Variants in CTDSPL observed in about 807,000 individuals in gnomAD.
CTDSPL encodes the protein CTD small phosphatase-like protein.
CTDSPL carries 8 observed loss-of-function variants against 30.5 expected under a neutral mutation model. The ratio of observed to expected loss-of-function variants is 0.26; its 90% confidence interval spans 0.15 to 0.47. The LOEUF is 0.47. Ranked by LOEUF, CTDSPL falls within the 20% of genes least tolerant of loss-of-function variation. CTDSPL has a pLI of 0.99. For missense variants in CTDSPL, 248 were observed against 366.1 expected, an observed-to-expected ratio of 0.68 and a Z score of 2.63; for synonymous variants, 110 against 137.9, an observed-to-expected ratio of 0.80 and a Z score of 1.42.
At chr3:37,927,638 G>GTA (rs1270338154) in intron 1 of CTDSPL, among the ~76,000 whole-genome samples, 2 of 59,482 alleles carry the variant, frequency 3.4e-5, no homozygotes, top group Non-Finnish European at 6.7e-5. Flanking sequence ...AAAAATATAT[G>GTA]TGTGTGTGTG....
rs558895920 is a variant in CTDSPL at position 37,976,260 on chromosome 3, C to A, written c.705+366C>A. Reference sequence around the variant, plus strand: ...TGACAAGGGTTCTGCTGGCAGTAACCTCCTGGAGCCAGCTACTGCGTAGGA... The same window carrying A: ...TGACAAGGGTTCTGCTGGCAGTAACATCCTGGAGCCAGCTACTGCGTAGGA... On this transcript the variant is annotated intron_variant, in intron 7 of 7. Transcript: ENST00000273179. Among the ~76,000 whole-genome samples the A allele has an allele frequency of 2.0e-5, 3 of 152,272 alleles. No individual in the cohort carries two copies. In the South Asian group the frequency reaches 6.2e-4, roughly 32 times the overall value.
chr3:37,926,580 C>T (rs1015987080), intron 1 of CTDSPL, among the ~76,000 whole-genome samples: 1 of 152,160 alleles, frequency 6.6e-6, no homozygotes, highest in Non-Finnish European at 1.5e-5. Flanking sequence ...GATATGGTTA[C>T]ATTTTCATTG....
In CTDSPL at chr3:37,984,415, A is replaced by G. The variant is rs1699531297; in HGVS notation, c.*3548A>G. Reference sequence around the variant, plus strand: ...ACGTTTCCAGGGGCGAGTATTGTCAATCAAAAGGTTTGCAATGATTTCCTT... The same window carrying G: ...ACGTTTCCAGGGGCGAGTATTGTCAGTCAAAAGGTTTGCAATGATTTCCTT... On this transcript the variant is annotated 3_prime_UTR_variant, in exon 8 of 8. Coordinates refer to ENST00000273179, the MANE Select transcript of CTDSPL (RefSeq NM_001008392.2). The G allele has an allele frequency of 2.4e-6, 1 of 419,796 alleles. No homozygotes were observed. The highest frequency in any genetic ancestry group is 4.9e-6 in the Non-Finnish European group (1 of 202,946). The allele number at this position is 419,796 out of a possible 1,614,324, so 26.0% of individuals were successfully genotyped here.
chr3:37,951,840 G>C (rs1217724349), intron 2 of CTDSPL, among the ~76,000 whole-genome samples: 1 of 152,104 alleles, frequency 6.6e-6, no homozygotes, highest in African/African-American at 2.4e-5. Context: ...AAGGGAAAAA[G>C]AACAAATAAC....
chr3:37,903,994 C>A (rs2125602544), intron 1 of CTDSPL, among the ~76,000 whole-genome samples: 1 of 152,342 alleles, frequency 6.6e-6, no homozygotes, highest in African/African-American at 2.4e-5. Flanking sequence ...ACCAAGATGG[C>A]ACTCCCCTCC....
intron 1 of CTDSPL, among the ~76,000 whole-genome samples, chr3:37,910,028 G>A (rs562110342): frequency 1.3e-5 from 2 of 152,342 alleles, no homozygotes; most frequent in South Asian, 2.1e-4. Flanking sequence ...CTTTAGGCAA[G>A]TGACTTAACT....
chr3:37,874,345 T>A (rs998802656), intron 1 of CTDSPL, among the ~76,000 whole-genome samples: 1 of 151,362 alleles, frequency 6.6e-6, no homozygotes, highest in Non-Finnish European at 1.5e-5. Flanking sequence ...ATTGAGGGGG[T>A]ACATAAAAGT....
chr3:37,866,105 A>G (rs1395838612), intron 1 of CTDSPL, among the ~76,000 whole-genome samples: 1 of 152,238 alleles, frequency 6.6e-6, no homozygotes, highest in Non-Finnish European at 1.5e-5. Context: ...TTTTCACTTA[A>G]TGGCTACATT....
At chr3:37,974,426 G>A (rs1005474261) in intron 6 of CTDSPL, among the ~76,000 whole-genome samples, 7 of 152,236 alleles carry the variant, frequency 4.6e-5, no homozygotes, top group African/African-American at 1.7e-4. Context: ...ACCAGCCACA[G>A]GTGCTCTCTG....
At chr3:37,899,148 C>G (rs940794255) in intron 1 of CTDSPL, among the ~76,000 whole-genome samples, 1 of 152,150 alleles carries the variant, frequency 6.6e-6, no homozygotes, top group Non-Finnish European at 1.5e-5. Context: ...CAGTGATACC[C>G]TGGGCTGGAA....
intron 1 of CTDSPL, among the ~76,000 whole-genome samples, chr3:37,945,394 AT>A (rs1699024029): frequency 6.6e-6 from 1 of 152,078 alleles, no homozygotes; most frequent in Non-Finnish European, 1.5e-5. Context: ...AACCGACACA[AT>A]CCTGCTGTAT....
intron 1 of CTDSPL, among the ~76,000 whole-genome samples, chr3:37,934,773 A>G (rs1021150519): frequency 1.3e-5 from 2 of 152,228 alleles, no homozygotes; most frequent in Non-Finnish European, 2.9e-5. Flanking sequence ...CTGGAAGGAT[A>G]ACAGGAGCTA....
At chr3:37,894,181 A>G (rs946498073) in intron 1 of CTDSPL, among the ~76,000 whole-genome samples, 4 of 152,176 alleles carry the variant, frequency 2.6e-5, no homozygotes, top group African/African-American at 9.7e-5. Flanking sequence ...TCCTGGGCTC[A>G]AGTGATTCAC....
chr3:37,863,428 CTGTGCCTCTAG>C (rs1424677121), intron 1 of CTDSPL, among the ~76,000 whole-genome samples: 1 of 152,242 alleles, frequency 6.6e-6, no homozygotes. Context: ...CTGGAACTTT[CTGTGCCTCTAG>C]TGTGTTGGGA....
intron 1 of CTDSPL, among the ~76,000 whole-genome samples, chr3:37,863,569 G>A (rs1401838125): frequency 6.6e-6 from 1 of 152,190 alleles, no homozygotes; most frequent in Non-Finnish European, 1.5e-5. Context: ...GTCAGGTGCA[G>A]CCCACCAGGA....
At chr3:37,905,452 A>T (rs966034913) in intron 1 of CTDSPL, among the ~76,000 whole-genome samples, 3 of 152,210 alleles carry the variant, frequency 2.0e-5, no homozygotes, top group Non-Finnish European at 2.9e-5. Flanking sequence ...TGTGATTTTT[A>T]AAATATCCTG....
chr3:37,976,078 G>A (rs924687211), intron 7 of CTDSPL, among the ~76,000 whole-genome samples, 184 bp downstream of exon 7: 1 of 152,182 alleles, frequency 6.6e-6, no homozygotes, highest in African/African-American at 2.4e-5. Context: ...AGCCTCGGTT[G>A]CCTCATCTGT....
At chr3:37,878,519 ATC>A (rs1242571291) in intron 1 of CTDSPL, among the ~76,000 whole-genome samples, 3 of 152,316 alleles carry the variant, frequency 2.0e-5, no homozygotes, top group East Asian at 3.9e-4. Flanking sequence ...CTGGATTCTA[ATC>A]TCTCCTTAAA....
At chr3:37,980,314 T>C (rs1230971094) in intron 7 of CTDSPL, among the ~76,000 whole-genome samples, 1 of 152,212 alleles carries the variant, frequency 6.6e-6, no homozygotes, top group Non-Finnish European at 1.5e-5. Flanking sequence ...AGTGGAAGCC[T>C]TCCTGTGTCC....
Sources: gnomAD v4.1 joint callset for allele counts (sites outside exome capture counted in the v4.1 genomes callset) on GRCh38, gnomAD v4.1.1 for gene constraint, MANE v1.5 for transcripts, NCBI Gene and HGNC (gene_info 2026-07-23, HGNC 2026-07-21) for gene names.